Variants in DYRK4 observed in about 807,000 individuals in gnomAD.
The protein encoded by DYRK4 is dual specificity tyrosine phosphorylation regulated kinase 4, also known as dual specificity tyrosine-phosphorylation-regulated kinase 4.
Under a neutral mutation model 68.3 loss-of-function variants are expected in DYRK4, and 64 were observed. The observed-to-expected ratio is 0.94, with a 90% CI of 0.77 to 1.15. The LOEUF is 1.15. Among genes scored for constraint, DYRK4 ranks in the 50% most tolerant of loss-of-function variants. The pLI, the probability that DYRK4 is intolerant of heterozygous loss-of-function variation, is 0.00. For synonymous variants in DYRK4, 274 were observed against 289.9 expected, an observed-to-expected ratio of 0.95 and a Z score of 0.56; for missense variants, 740 against 764.7, an observed-to-expected ratio of 0.97 and a Z score of 0.38.
intron 2 of DYRK4, among the ~76,000 whole-genome samples, chr12:4,574,224 TAAAAAAAAAAA>T (rs58588899): frequency 1.6e-5 from 2 of 121,284 alleles, no homozygotes; most frequent in African/African-American, 3.2e-5. Flanking sequence ...GACTCCATCT[TAAAAAAAAAAA>T]AAAAAAAAAA....
chr12:4,562,930 A>C (rs7295624), intron 1 of DYRK4: 1 of 372,722 alleles, frequency 2.7e-6, no homozygotes. Context: ...TTTAAAGGCT[A>C]TTCTGTGACA....
intron 2 of DYRK4, among the ~76,000 whole-genome samples, chr12:4,586,307 C>G (rs983139420): frequency 6.6e-6 from 1 of 152,156 alleles, no homozygotes; most frequent in Middle Eastern, 3.2e-3. Flanking sequence ...CCCCCCTGCT[C>G]TGGACCCCTG....
chr12:4,610,523 G>A (rs1271199733), intron 13 of DYRK4: 6 of 330,262 alleles, frequency 1.8e-5, no homozygotes, highest in Non-Finnish European at 3.3e-5. Context: ...GGAGGTTGGG[G>A]TTCAAAGAGA....
chr12:4,582,546 C>G (rs1944854613), intron 2 of DYRK4, among the ~76,000 whole-genome samples: 1 of 151,976 alleles, frequency 6.6e-6, no homozygotes, highest in Non-Finnish European at 1.5e-5. Context: ...CAAGCCTTTG[C>G]AGGTGCTGTA....
In DYRK4 at chr12:4,605,031, G is replaced by T; in HGVS notation, c.1244G>T (p.Gly415Val). 6.2e-7 allele frequency: 1 copy of T among 1,614,054 alleles called. No individual in the cohort carries two copies. Among genetic ancestry groups the T allele is most frequent in the Non-Finnish European group, 8.5e-7 (1 of 1,179,954 alleles). The change falls in exon 11 of 15, where the codon GGC becomes GTC. Residue 415 changes from glycine to valine, a missense_variant. Gly to Val is a moderately radical substitution (Grantham distance 109, BLOSUM62 -3). Coordinates refer to ENST00000543431, the MANE Select transcript of DYRK4 (RefSeq NM_001394779.1). ...TGCATCACGGCGGAGTTGTACACGGGCTACCCCCTGTTCCCCGGGGAGAAT... is the reference window on the plus strand; with the variant it reads ...TGCATCACGGCGGAGTTGTACACGGTCTACCCCCTGTTCCCCGGGGAGAAT... ...LGCITAELYT[G>V]YPLFPGENEV... is the part of the protein sequence containing the mutation.
rs1180105597 is a variant in DYRK4, at chr12:4,591,784, G to A, written c.463+486G>A. On this transcript the variant is annotated intron_variant, in intron 5 of 14. Transcript: ENST00000543431. This position sits in a 1 kb window ranked among gnomAD's most constrained non-coding sequence, Gnocchi z 4.1. Reference sequence around the variant, plus strand: ...GAAATGCAGACATGTAGAAGAGCATGGCCAGCCAGGGGTCTCAGTCCTTGG... The same window carrying A: ...GAAATGCAGACATGTAGAAGAGCATAGCCAGCCAGGGGTCTCAGTCCTTGG... 6.5e-6 allele frequency: 1 copy of A among 152,946 alleles called. No individual in the cohort carries two copies. Among genetic ancestry groups the A allele is most frequent in the Non-Finnish European group, 1.5e-5 (1 of 68,560 alleles). The allele number at this position is 152,946 out of a possible 1,614,324, so 9.5% of individuals were successfully genotyped here.
rs1328757066 is a variant in DYRK4, at chr12:4,573,439, C to T, written c.132+5391C>T. 5.5e-6 allele frequency: 7 copies of T among 1,268,620 alleles called. No homozygotes were observed. The African/African-American group carries it at 9.2e-5, about 17-fold the overall frequency. 78.6% of individuals were successfully genotyped at this position (1,268,620 alleles called of 1,614,324 possible). On this transcript the variant is annotated intron_variant, in intron 2 of 14. Transcript: ENST00000543431. ...AAAGGAGAACAAAGATTTGAAATTACCTTTGGTTTCTGTCAAAGGAATGTG... is the reference window on the plus strand; with the variant it reads ...AAAGGAGAACAAAGATTTGAAATTATCTTTGGTTTCTGTCAAAGGAATGTG...
At chr12:4,596,534 C>G in intron 7 of DYRK4, 55 bp from the exon 8 acceptor site, 1 of 1,591,866 alleles carries the variant, frequency 6.3e-7, no homozygotes, top group Non-Finnish European at 8.5e-7. Context: ...CGGGACCTGA[C>G]ACTGATGTTT....
intron 11 of DYRK4, among the ~76,000 whole-genome samples, chr12:4,605,590 C>T (rs1945135872): frequency 6.6e-6 from 1 of 152,034 alleles, no homozygotes. Context: ...TTTCCTGATA[C>T]CGTAAGCCTC....
At chr12:4,611,580 C>T (rs1003390669) in intron 13 of DYRK4, among the ~76,000 whole-genome samples, 4 of 152,096 alleles carry the variant, frequency 2.6e-5, no homozygotes, top group Admixed American at 6.5e-5. Flanking sequence ...ACTTTGTAGG[C>T]GAACTCCAGA....
chr12:4,588,393 C>T (rs779765339), intron 2 of DYRK4, among the ~76,000 whole-genome samples: 7 of 152,194 alleles, frequency 4.6e-5, no homozygotes, highest in African/African-American at 1.7e-4. Flanking sequence ...TCTTCCTCTG[C>T]GGGGTGCTTG....
chr12:4,585,333 GGA>G (rs1404680476), intron 2 of DYRK4, among the ~76,000 whole-genome samples: 2 of 152,216 alleles, frequency 1.3e-5, no homozygotes, highest in Non-Finnish European at 2.9e-5. Flanking sequence ...AGGGTCTCAT[GGA>G]GAGAGTGCTG....
At chr12:4,581,091 G>A (rs999736396) in intron 2 of DYRK4, 1 of 298,730 alleles carries the variant, frequency 3.3e-6, no homozygotes, top group African/African-American at 2.2e-5. Flanking sequence ...GTCTTGGTGT[G>A]AGAGGGCAGG....
Position 4,591,082 on chromosome 12 carries a change from C to G in DYRK4, c.325-78C>G. Reference sequence around the variant, plus strand: ...AAAGAGCCTGGCTGAAGGTGGGTGTCTTTGGTTAAATAAATGGTTTATGGC... The same window carrying G: ...AAAGAGCCTGGCTGAAGGTGGGTGTGTTTGGTTAAATAAATGGTTTATGGC... On this transcript the variant is annotated intron_variant, in intron 4 of 14. Coordinates refer to ENST00000543431, the MANE Select transcript of DYRK4 (RefSeq NM_001394779.1). This position sits in a 1 kb window ranked among gnomAD's most constrained non-coding sequence, Gnocchi z 4.1. 1 of 1,533,782 alleles carries G rather than the reference C, an allele frequency of 6.5e-7. No homozygotes were observed. The highest frequency in any genetic ancestry group is 8.8e-7 in the Non-Finnish European group (1 of 1,138,350).
intron 2 of DYRK4, 83 bp downstream of exon 2, chr12:4,568,131 G>GC (rs1436081223): frequency 7.8e-7 from 1 of 1,288,976 alleles, no homozygotes; most frequent in Non-Finnish European, 1.1e-6. Context: ...TGATGGTTGT[G>GC]CCCCAAGCAC....
chr12:4,607,304 C>A (rs769045603), intron 11 of DYRK4, 23 bp from the exon 12 acceptor site: 2 of 1,614,170 alleles, frequency 1.2e-6, no homozygotes, highest in Non-Finnish European at 1.7e-6. Flanking sequence ...AAAGAATGAA[C>A]CAATTGAATT....
At chr12:4,582,058 G>C (rs1591791986) in intron 2 of DYRK4, among the ~76,000 whole-genome samples, 1 of 152,304 alleles carries the variant, frequency 6.6e-6, no homozygotes, top group East Asian at 1.9e-4. Flanking sequence ...TGGTGTCATT[G>C]TCGGCACTCA....
At chr12:4,569,782 C>G (rs1944712548) in intron 2 of DYRK4, among the ~76,000 whole-genome samples, 1 of 152,098 alleles carries the variant, frequency 6.6e-6, no homozygotes, top group Middle Eastern at 3.2e-3. Context: ...CTTAACCACT[C>G]TCTTCCACGC....
chr12:4,582,159 C>T (rs980459675), intron 2 of DYRK4, among the ~76,000 whole-genome samples: 3 of 152,184 alleles, frequency 2.0e-5, no homozygotes, highest in African/African-American at 7.2e-5. Flanking sequence ...ATTAAAGAGT[C>T]TTGGCCAGGA....
Sources: allele counts gnomAD v4.1 joint callset (sites outside exome capture counted in the v4.1 genomes callset), GRCh38; gene constraint gnomAD v4.1.1; non-coding constraint Gnocchi (gnomAD v3.1); transcripts MANE v1.5; gene names NCBI Gene and HGNC (gene_info 2026-07-23, HGNC 2026-07-21).